The following SORBS2 variants were observed in gnomAD, a reference collection of about 807,000 sequenced individuals.
The protein encoded by SORBS2 is sorbin and SH3 domain containing 2.
Under a neutral mutation model 97.7 loss-of-function variants are expected in SORBS2, and 46 were observed. The ratio of observed to expected loss-of-function variants is 0.47; its 90% CI spans 0.37 to 0.60. The LOEUF (loss-of-function observed/expected upper bound fraction) is 0.60, where lower values mean the gene tolerates loss of function less well. Among genes scored for constraint, SORBS2 ranks in the 20% least tolerant of loss-of-function variants. The pLI is 0.00. For missense variants in SORBS2, 1,316 were observed against 1,282.3 expected (o/e 1.03, Z -0.40); for synonymous variants, 476 against 473.4 (o/e 1.01, Z -0.07).
intron 12 of SORBS2, among the ~76,000 whole-genome samples, chr4:185,603,390 GA>G (rs113829811): frequency 0.058 from 8,865 of 152,004 alleles, 394 homozygotes; most frequent in African/African-American, 0.12. Context: ...TGCCAGCTAA[GA>G]AAAAAAACCT....
chr4:185,848,618 C>CTTTTT lies in SORBS2; in HGVS notation c.-337-73257_-337-73253dup, dbSNP rs537195530. 8.5e-4 allele frequency among the ~76,000 whole-genome samples: 64 copies of CTTTTT among 75,634 alleles called. 6 individuals carry two copies. The highest frequency in any genetic ancestry group is 2.8e-3 in the African/African-American group (49 of 17,238). 49.6% of individuals were successfully genotyped at this position (75,634 alleles called of 152,430 possible). ...TTAAATGTTCTTTATAAGGATATCT[C>CTTTTT]TTTTTTTTTTTTTTTTTTTTTTTTT... On this transcript the variant is annotated intron_variant, in intron 1 of 20. Coordinates refer to the SORBS2 transcript ENST00000284776.
chr4:185,647,864 CAT>C (rs1474144034), intron 3 of SORBS2, among the ~76,000 whole-genome samples: 3 of 152,108 alleles, frequency 2.0e-5, no homozygotes, highest in Non-Finnish European at 4.4e-5. Context: ...AGGAGGTTAT[CAT>C]ATGTTTTAAT....
intron 2 of SORBS2, among the ~76,000 whole-genome samples, chr4:185,707,881 A>G (rs6819745): frequency 0.64 from 97,998 of 152,000 alleles, 31,799 homozygotes; most frequent in African/African-American, 0.71. Flanking sequence ...CTCCCACCGG[A>G]TCCCTCCCAT....
chr4:185,750,784 T>C (rs1308286908), intron 2 of SORBS2, among the ~76,000 whole-genome samples: 1 of 152,144 alleles, frequency 6.6e-6, no homozygotes, highest in African/African-American at 2.4e-5. Context: ...GGGCTCTTGA[T>C]TTAGATTTTT....
chr4:185,642,097 A>G (rs1227929675), intron 4 of SORBS2, among the ~76,000 whole-genome samples: 1 of 152,130 alleles, frequency 6.6e-6, no homozygotes, highest in Non-Finnish European at 1.5e-5. Context: ...ACCGTGTTTT[A>G]TATTTATTGT....
At chr4:185,661,954 A>T (rs1484666717), upstream of SORBS2, 4 of 770,166 alleles carry the variant, frequency 5.2e-6, no homozygotes, top group East Asian at 1.1e-4. Flanking sequence ...ATTTCCTCCC[A>T]TGTTGGGTCC....
intron 4 of SORBS2, among the ~76,000 whole-genome samples, chr4:185,636,159 G>A (rs1002395846): frequency 4.6e-5 from 7 of 152,142 alleles, no homozygotes; most frequent in East Asian, 1.9e-4. Context: ...ACGCCTGGCC[G>A]TCCCTATAAA....
intron 1 of SORBS2, among the ~76,000 whole-genome samples, chr4:185,883,614 C>A (rs960894474): frequency 3.3e-5 from 5 of 152,182 alleles, no homozygotes; most frequent in Admixed American, 2.0e-4. Context: ...CTCAAATGTC[C>A]TTTGACTGGT....
chr4:185,714,680 AG>A lies in SORBS2; in HGVS notation c.-197-35859del, dbSNP rs536849207. ...ATGGCAGAAGGCAAAGGAGGAGCAA[AG>A]TCATGTCTTCCATGGTGGCAGACAA... On this transcript the variant is annotated intron_variant, in intron 2 of 20. Transcript: ENST00000284776. 1.3e-4 allele frequency among the ~76,000 whole-genome samples: 20 copies of A among 152,314 alleles called. No homozygotes were observed. The East Asian group carries it at 3.9e-3, about 29-fold the overall frequency.
intron 1 of SORBS2, among the ~76,000 whole-genome samples, chr4:185,912,565 A>G (rs942489542): frequency 4.0e-5 from 5 of 124,366 alleles, no homozygotes; most frequent in African/African-American, 1.6e-4. Context: ...AGCCTGGGCA[A>G]CAAGAACGAA....
chr4:185,777,675 C>A (rs898227293), intron 1 of SORBS2, among the ~76,000 whole-genome samples: 1 of 152,120 alleles, frequency 6.6e-6, no homozygotes, highest in Admixed American at 6.5e-5. Flanking sequence ...AAGTGTAAAG[C>A]TTTGCTCTCC....
chr4:185,884,006 G>A (rs1312376367), intron 1 of SORBS2, among the ~76,000 whole-genome samples: 1 of 152,200 alleles, frequency 6.6e-6, no homozygotes, highest in Non-Finnish European at 1.5e-5. Context: ...CCCAGAGACA[G>A]AAGTCCGATC....
intron 1 of SORBS2, among the ~76,000 whole-genome samples, chr4:185,780,563 G>A (rs2099023572): frequency 6.6e-6 from 1 of 152,180 alleles, no homozygotes; most frequent in South Asian, 2.1e-4. Flanking sequence ...GTCCTGAAAG[G>A]CAGATAGAGG....
At chr4:185,721,250 T>C (rs1325742200) in intron 2 of SORBS2, among the ~76,000 whole-genome samples, 2 of 152,106 alleles carry the variant, frequency 1.3e-5, no homozygotes, top group East Asian at 3.8e-4. Flanking sequence ...AATTTTTGTA[T>C]TTTTAGTAGA....
At chr4:185,588,337 CATG>C (rs1418642440) in intron 14 of SORBS2, 3 of 152,198 alleles carry the variant, frequency 2.0e-5, no homozygotes, top group Non-Finnish European at 4.4e-5. Context: ...TGATTTTTAA[CATG>C]GTGTGTGTTT....
At position 185,760,731 on chromosome 4, in the gene SORBS2, G is replaced by A. The variant is rs375522907; in HGVS notation, c.-198+14496C>T. The stretch of plus-strand genomic sequence containing the variant: ...TTCACAAATACGAGTTCATGAACAC[G>A]TCCAGGAAGATAAAAGTGTGCAGTG... On this transcript the variant is annotated intron_variant, in intron 2 of 20. Transcript: ENST00000284776. Among the ~76,000 whole-genome samples, 14 of 152,260 alleles carry A rather than the reference G, an allele frequency of 9.2e-5. No homozygotes were observed. In the South Asian group the frequency reaches 1.2e-3, roughly 14 times the overall value.
At chr4:185,908,472 T>C (rs963068615) in intron 1 of SORBS2, among the ~76,000 whole-genome samples, 5 of 149,838 alleles carry the variant, frequency 3.3e-5, no homozygotes, top group South Asian at 2.1e-4. Context: ...CTATTCTCAA[T>C]GAAAAAAAAA....
intron 1 of SORBS2, among the ~76,000 whole-genome samples, chr4:185,869,697 A>T (rs1209907950): frequency 6.6e-6 from 1 of 152,214 alleles, no homozygotes; most frequent in Non-Finnish European, 1.5e-5. Flanking sequence ...TAAGAAAGGA[A>T]ATTTGAGTTT....
chr4:185,691,222 AG>A (rs201816665), intron 2 of SORBS2, among the ~76,000 whole-genome samples: 4,174 of 151,850 alleles, frequency 0.027, 203 homozygotes, highest in African/African-American at 0.096. Flanking sequence ...TTTTAGAGAG[AG>A]GGTTGTGCTC....
Sources: allele counts gnomAD v4.1 joint callset (sites outside exome capture counted in the v4.1 genomes callset), GRCh38; gene constraint gnomAD v4.1.1; transcripts MANE v1.5; gene names NCBI Gene and HGNC (gene_info 2026-07-23, HGNC 2026-07-21).